Variants in TACC1 observed in about 807,000 individuals in gnomAD.
TACC1 encodes the protein transforming acidic coiled-coil containing protein 1.
A neutral mutation model predicts 84.4 loss-of-function variants in TACC1; 48 were observed. The ratio of observed to expected loss-of-function variants is 0.57; its 90% CI spans 0.45 to 0.72. The LOEUF (loss-of-function observed/expected upper bound fraction) is 0.72. Ranked by LOEUF, TACC1 falls within the 30% of genes least tolerant of loss-of-function variation. The pLI is 0.00. For missense variants in TACC1, 920 were observed against 973.0 expected (o/e 0.95, Z 0.72); for synonymous variants, 372 against 376.3 (o/e 0.99, Z 0.13).
intron 1 of TACC1, chr8:38,788,128 G>A (rs1817737594): frequency 4.8e-6 from 1 of 206,258 alleles, no homozygotes. Context: ...GCCCTTCCCG[G>A]GGCCCTACCG....
rs1185703725 is a variant in TACC1 at position 38,852,848 on chromosome 8, A to G, written c.*4825A>G. ...TGGAGGGATGAGTGCTGCGTTGACT[A>G]CTGCTATCAGGATTGTGTTGTGTGG... is the stretch of plus-strand genomic sequence containing the variant. On this transcript the variant is annotated 3_prime_UTR_variant, in exon 13 of 13. Coordinates refer to ENST00000317827, the MANE Select transcript of TACC1 (RefSeq NM_006283.3). 6.6e-6 allele frequency: 1 copy of G among 152,634 alleles called. No individual in the cohort carries two copies. Among genetic ancestry groups the G allele is most frequent in the African/African-American group, 2.4e-5 (1 of 41,442 alleles). 9.5% of individuals were successfully genotyped at this position (152,634 alleles called of 1,614,324 possible). A position where few individuals can be genotyped will look rare whatever the true frequency, so the allele number is the denominator to read the frequency against.
chr8:38,790,046 C>T (rs146203493), intron 2 of TACC1, among the ~76,000 whole-genome samples: 1 of 152,342 alleles, frequency 6.6e-6, no homozygotes, highest in African/African-American at 2.4e-5. Flanking sequence ...TAATTGAAAT[C>T]AGAACCAGAA....
In TACC1 at chr8:38,831,191, T is replaced by C. The variant is rs1375474703; in HGVS notation, c.1713+14T>C. Reference sequence around the variant, plus strand: ...TCCACTGTGCTTGTAAGTTCCTGAATGTGGAGGGCCGGGTGGACTCAGGTT... The same window carrying C: ...TCCACTGTGCTTGTAAGTTCCTGAACGTGGAGGGCCGGGTGGACTCAGGTT... On this transcript the variant is annotated intron_variant, in intron 6 of 12. Transcript: ENST00000317827. 6.2e-7 allele frequency: 1 copy of C among 1,614,044 alleles called. No homozygotes were observed. Among genetic ancestry groups the C allele is most frequent in the South Asian group, 1.1e-5 (1 of 91,076 alleles).
rs139831374 is a variant in TACC1, at chr8:38,801,749, G to T, written c.277+12930G>T. 2.0e-3 allele frequency among the ~76,000 whole-genome samples: 312 copies of T among 152,248 alleles called. 3 individuals are homozygous for T. In the Middle Eastern group the frequency reaches 0.024, roughly 12 times the overall value. ...TTTTAGAATCAGTCTGTTAATTTTT[G>T]CAAAGAAGGCAGCTGGGATTTTGAT... is the stretch of plus-strand genomic sequence containing the variant. On this transcript the variant is annotated intron_variant, in intron 2 of 12. Transcript: ENST00000317827.
intron 3 of TACC1, among the ~76,000 whole-genome samples, chr8:38,771,332 G>C (rs1813564025): frequency 6.6e-6 from 1 of 152,170 alleles, no homozygotes; most frequent in African/African-American, 2.4e-5. Flanking sequence ...ATGTAAGGCA[G>C]ACAAGGACAG....
intron 3 of TACC1, among the ~76,000 whole-genome samples, chr8:38,779,539 C>T (rs1244890510): frequency 3.3e-5 from 5 of 152,202 alleles, no homozygotes; most frequent in East Asian, 1.9e-4. Flanking sequence ...CTGGATTTTC[C>T]GTATAAGGGC....
At chr8:38,754,694 A>C (rs1181618364) in intron 3 of TACC1, among the ~76,000 whole-genome samples, 1 of 152,204 alleles carries the variant, frequency 6.6e-6, no homozygotes, top group African/African-American at 2.4e-5. Context: ...AGCTATTTGA[A>C]ATTCTTCATA....
chr8:38,788,958 T>G (rs1817989108), intron 2 of TACC1, 139 bp downstream of exon 2: 1 of 663,556 alleles, frequency 1.5e-6, no homozygotes, highest in Admixed American at 3.0e-5. Context: ...ACCTCCTGGC[T>G]TATGTATTTT....
chr8:38,737,389 G>T (rs1341338176), intron 1 of TACC1, among the ~76,000 whole-genome samples: 2 of 152,226 alleles, frequency 1.3e-5, no homozygotes, highest in Non-Finnish European at 2.9e-5. Context: ...TTCGCTCAGT[G>T]CCACTCACAG....
chr8:38,825,907 G>T (rs541094443), intron 4 of TACC1, among the ~76,000 whole-genome samples: 71 of 152,066 alleles, frequency 4.7e-4, no homozygotes, highest in Non-Finnish European at 8.7e-4. Flanking sequence ...ATATAAATAA[G>T]GTTTCTTAAT....
intron 4 of TACC1, among the ~76,000 whole-genome samples, chr8:38,826,307 T>C (rs1828031339): frequency 6.6e-6 from 1 of 152,202 alleles, no homozygotes; most frequent in South Asian, 2.1e-4. Flanking sequence ...ATGAGAAATT[T>C]ATCTTTGGTT....
chr8:38,743,786 A>G (rs956239707), intron 2 of TACC1, among the ~76,000 whole-genome samples: 6 of 152,064 alleles, frequency 3.9e-5, no homozygotes. Context: ...ATTTGGGAGG[A>G]TGAGGCAGGA....
chr8:38,789,876 A>C (rs776012953), intron 2 of TACC1, among the ~76,000 whole-genome samples: 1 of 152,184 alleles, frequency 6.6e-6, no homozygotes, highest in Non-Finnish European at 1.5e-5. Flanking sequence ...GGAGGAGCTG[A>C]AGTCAGCGTG....
At chr8:38,769,563 G>T (rs116102029) in intron 3 of TACC1, among the ~76,000 whole-genome samples, 2,690 of 146,914 alleles carry the variant, frequency 0.018, 75 homozygotes, top group African/African-American at 0.064. Flanking sequence ...TGGGAGTGTG[G>T]TGTGTGTATG....
At chr8:38,779,483 G>C (rs567300215) in intron 3 of TACC1, among the ~76,000 whole-genome samples, 1 of 152,306 alleles carries the variant, frequency 6.6e-6, no homozygotes, top group South Asian at 2.1e-4. Flanking sequence ...TCCACCCTCC[G>C]GGTGTCTTCA....
chr8:38,795,714 C>A (rs1468280315), intron 2 of TACC1, among the ~76,000 whole-genome samples: 2 of 152,176 alleles, frequency 1.3e-5, no homozygotes, highest in Admixed American at 6.5e-5. Flanking sequence ...GTGGAGATTT[C>A]ATAACCAAGG....
At chr8:38,799,379 C>G (rs1054174893) in intron 2 of TACC1, among the ~76,000 whole-genome samples, 2 of 152,228 alleles carry the variant, frequency 1.3e-5, no homozygotes, top group African/African-American at 4.8e-5. Flanking sequence ...TCAGCTCTGT[C>G]TTGGACGCTC....
intron 1 of TACC1, chr8:38,742,236 T>C: frequency 4.4e-6 from 2 of 453,524 alleles, no homozygotes; most frequent in Non-Finnish European, 3.9e-6. Flanking sequence ...GAGTGGCTGG[T>C]AGAACTGCAG....
At chr8:38,788,585 C>T in intron 1 of TACC1, 119 bp from the exon 2 acceptor site, 2 of 756,782 alleles carry the variant, frequency 2.6e-6, no homozygotes, top group South Asian at 1.8e-5. Flanking sequence ...TGCTGAGGAC[C>T]GGTTGGTTGT....
Sources: gnomAD v4.1 joint callset for allele counts (sites outside exome capture counted in the v4.1 genomes callset) on GRCh38, gnomAD v4.1.1 for gene constraint, MANE v1.5 for transcripts, NCBI Gene and HGNC (gene_info 2026-07-23, HGNC 2026-07-21) for gene names.